The following CACNA2D1 variants were observed in gnomAD, a reference collection of about 807,000 sequenced individuals.
CACNA2D1 encodes calcium voltage-gated channel auxiliary subunit alpha2delta 1, also known as voltage-dependent calcium channel subunit alpha-2/delta-1.
In CACNA2D1, 53 loss-of-function variants were observed where a neutral mutation model predicts 171.5. The observed-to-expected ratio is 0.31, with a 90% CI of 0.25 to 0.39. The LOEUF (loss-of-function observed/expected upper bound fraction) is 0.39. CACNA2D1 is among the 10% of genes least tolerant of loss of function. CACNA2D1 has a pLI of 1.00. For missense variants in CACNA2D1, 903 were observed against 1,299.8 expected (o/e 0.69, Z 4.69); for synonymous variants, 442 against 443.1 (o/e 1.00, Z 0.03).
At chr7:82,004,677 T>C (rs1334694721) in intron 18 of CACNA2D1, among the ~76,000 whole-genome samples, 2 of 152,090 alleles carry the variant, frequency 1.3e-5, no homozygotes, top group African/African-American at 2.4e-5. Context: ...AACATTATCT[T>C]CAAAGTATAA....
chr7:82,318,681 A>G (rs1815410005), intron 3 of CACNA2D1, among the ~76,000 whole-genome samples: 1 of 152,196 alleles, frequency 6.6e-6, no homozygotes. Context: ...TCTATACCAC[A>G]TCTGATGTAA....
chr7:82,111,845 ATTT>A, intron 6 of CACNA2D1, among the ~76,000 whole-genome samples: 1 of 152,280 alleles, frequency 6.6e-6, no homozygotes, highest in East Asian at 1.9e-4. Flanking sequence ...AATCCATATT[ATTT>A]TGTTATTGAA....
At chr7:82,277,502 CT>C (rs1809508097) in intron 3 of CACNA2D1, among the ~76,000 whole-genome samples, 1 of 151,984 alleles carries the variant, frequency 6.6e-6, no homozygotes, top group Non-Finnish European at 1.5e-5. Context: ...GCCCAACCCC[CT>C]TTTTTTATAT....
At chr7:82,365,529 T>C (rs1821589743) in intron 1 of CACNA2D1, among the ~76,000 whole-genome samples, 1 of 152,214 alleles carries the variant, frequency 6.6e-6, no homozygotes, top group African/African-American at 2.4e-5. Context: ...CATCCTTTCA[T>C]TGTGAGTAAG....
At chr7:82,190,176 C>A (rs1179827428) in intron 3 of CACNA2D1, among the ~76,000 whole-genome samples, 1 of 151,702 alleles carries the variant, frequency 6.6e-6, no homozygotes, top group Non-Finnish European at 1.5e-5. Context: ...CAATCTTAGT[C>A]ACTAAAATGA....
intron 2 of CACNA2D1, among the ~76,000 whole-genome samples, chr7:82,336,998 A>G (rs900713164): frequency 3.3e-5 from 5 of 152,178 alleles, no homozygotes; most frequent in African/African-American, 9.6e-5. Flanking sequence ...TTAAGTCTCT[A>G]CATACATGTG....
At chr7:82,123,211 T>C (rs563905520) in intron 5 of CACNA2D1, among the ~76,000 whole-genome samples, 1 of 152,262 alleles carries the variant, frequency 6.6e-6, no homozygotes, top group African/African-American at 2.4e-5. Context: ...AGTCTACCTT[T>C]TTATTGGTTT....
At position 82,296,534 on chromosome 7, in the gene CACNA2D1, T is replaced by C. The variant is rs1585383261; in HGVS notation, c.294+38601A>G. Among the ~76,000 whole-genome samples, 3 of 152,280 alleles carry C rather than the reference T, an allele frequency of 2.0e-5. No individual in the cohort carries two copies. The Middle Eastern group carries it at 0.01, about 518-fold the overall frequency. ...GAAATTTAGACCCAAGATGCTTAAT[T>C]GCACATTTTATTTAAACAAGTTGTA... is the stretch of plus-strand genomic sequence containing the variant. On this transcript the variant is annotated intron_variant, in intron 3 of 38. Transcript: ENST00000356860.
chr7:82,256,834 T>A (rs1299316777), intron 3 of CACNA2D1, among the ~76,000 whole-genome samples: 4 of 152,104 alleles, frequency 2.6e-5, no homozygotes, highest in African/African-American at 7.2e-5. Context: ...AGCAAAAAAA[T>A]TTTAGGTAAG....
chr7:82,406,802 G>T (rs192134528), intron 1 of CACNA2D1, among the ~76,000 whole-genome samples: 1 of 151,658 alleles, frequency 6.6e-6, no homozygotes, highest in Non-Finnish European at 1.5e-5. Flanking sequence ...TAGTTTTGGG[G>T]ACAAGTCTTT....
chr7:82,136,315 T>TA (rs1213012830), intron 5 of CACNA2D1, among the ~76,000 whole-genome samples: 3 of 151,944 alleles, frequency 2.0e-5, no homozygotes, highest in Non-Finnish European at 2.9e-5. Flanking sequence ...GATACAGAAG[T>TA]AGATGGGATT....
At chr7:82,354,177 CAT>C (rs1474905942) in intron 1 of CACNA2D1, among the ~76,000 whole-genome samples, 1 of 152,154 alleles carries the variant, frequency 6.6e-6, no homozygotes, top group African/African-American at 2.4e-5. Context: ...TCCATAAAAA[CAT>C]ATAGTTTTCC....
chr7:82,238,735 G>T (rs2214726), intron 3 of CACNA2D1, among the ~76,000 whole-genome samples: 134,670 of 152,090 alleles, frequency 0.89, 59,799 homozygotes, highest in East Asian at 1. Flanking sequence ...CTTTTGTATC[G>T]TCAGTGTTAT....
intron 6 of CACNA2D1, among the ~76,000 whole-genome samples, chr7:82,090,122 T>A (rs1810974106): frequency 1.3e-5 from 2 of 152,036 alleles, no homozygotes; most frequent in African/African-American, 4.8e-5. Flanking sequence ...ACCATTAGGG[T>A]GGAAGTTGGG....
chr7:82,060,262 AATT>A (rs1477092882), intron 10 of CACNA2D1, among the ~76,000 whole-genome samples, 163 bp downstream of exon 10: 1 of 104,876 alleles, frequency 9.5e-6, no homozygotes, highest in Non-Finnish European at 1.9e-5. Context: ...TTAAAAAAAG[AATT>A]ATAAGAAGAT....
At chr7:82,047,513 CAT>C (rs1188909941) in intron 10 of CACNA2D1, among the ~76,000 whole-genome samples, 1 of 152,078 alleles carries the variant, frequency 6.6e-6, no homozygotes, top group African/African-American at 2.4e-5. Flanking sequence ...CAATACTGAT[CAT>C]ATGAGTGAGG....
chr7:82,207,423 A>C (rs372005219), intron 3 of CACNA2D1, among the ~76,000 whole-genome samples: 1 of 152,178 alleles, frequency 6.6e-6, no homozygotes, highest in Non-Finnish European at 1.5e-5. Flanking sequence ...ACAATAAAAC[A>C]GCTTTGTAAA....
chr7:82,227,075 GAA>G (rs1802442678), intron 3 of CACNA2D1, among the ~76,000 whole-genome samples: 1 of 152,164 alleles, frequency 6.6e-6, no homozygotes, highest in South Asian at 2.1e-4. Flanking sequence ...TAGTACAACT[GAA>G]AGGTGTTATT....
chr7:82,355,498 G>GT (rs1820319050), intron 1 of CACNA2D1, among the ~76,000 whole-genome samples: 1 of 152,140 alleles, frequency 6.6e-6, no homozygotes, highest in Non-Finnish European at 1.5e-5. Context: ...AGTCAGAAGA[G>GT]TAAGAACAAT....
Sources: allele counts gnomAD v4.1 joint callset (sites outside exome capture counted in the v4.1 genomes callset), GRCh38; gene constraint gnomAD v4.1.1; transcripts MANE v1.5; gene names NCBI Gene and HGNC (gene_info 2026-07-23, HGNC 2026-07-21).